Variants in THSD4 observed in about 807,000 individuals in gnomAD.
THSD4 encodes the protein thrombospondin type 1 domain containing 4, also known as thrombospondin type-1 domain-containing protein 4.
A neutral mutation model predicts 119.0 loss-of-function variants in THSD4; 69 were observed. The ratio of observed to expected loss-of-function variants is 0.58; its 90% CI spans 0.48 to 0.71. The LOEUF is 0.71. Among genes scored for constraint, THSD4 ranks in the 30% least tolerant of loss-of-function variants. The pLI, the probability that THSD4 is intolerant of heterozygous loss-of-function variation, is 0.00. For synonymous variants in THSD4, 524 were observed against 540.4 expected (o/e 0.97, Z 0.42); for missense variants, 1,393 against 1,391.1 (o/e 1.00, Z -0.02).
At position 71,745,093 on chromosome 15, in the gene THSD4, C is replaced by T. The variant is rs1213309854; in HGVS notation, c.1907-13C>T. 6.2e-7 allele frequency: 1 copy of T among 1,608,396 alleles called. No homozygotes were observed. The highest frequency in any genetic ancestry group is 1.1e-5 in the South Asian group (1 of 90,684). On this transcript the variant is annotated splice_polypyrimidine_tract_variant and intron_variant, in intron 11 of 17. Coordinates refer to ENST00000261862, the MANE Select transcript of THSD4 (RefSeq NM_024817.3). ...TGTGGGACTGTCCTTCAGACATTCT[C>T]CTGTTGTTGCAGGATCGCAGTACCC...
intron 3 of THSD4, among the ~76,000 whole-genome samples, chr15:71,204,876 G>A (rs568423240): frequency 2.6e-5 from 4 of 152,162 alleles, no homozygotes; most frequent in Non-Finnish European, 5.9e-5. Flanking sequence ...TTGAATGGCA[G>A]AAGTAGAAGG....
At chr15:71,692,460 GTTTTGTTTTGTT>G (rs983616665) in intron 8 of THSD4, among the ~76,000 whole-genome samples, 15 of 152,064 alleles carry the variant, frequency 9.9e-5, no homozygotes, top group Admixed American at 1.3e-4. Flanking sequence ...TTTTGTTTTT[GTTTTGTTTTGTT>G]TTTTGTTTTG....
intron 7 of THSD4, among the ~76,000 whole-genome samples, chr15:71,502,548 G>A (rs781301883): frequency 4.6e-5 from 7 of 152,206 alleles, no homozygotes; most frequent in Non-Finnish European, 7.3e-5. Context: ...GAGTGCAGTA[G>A]TAACATATCA....
intron 6 of THSD4, among the ~76,000 whole-genome samples, chr15:71,402,184 C>A (rs532970843): frequency 6.6e-6 from 1 of 150,464 alleles, no homozygotes; most frequent in African/African-American, 2.5e-5. Context: ...CACACCAATA[C>A]GGCACATGTA....
intron 8 of THSD4, among the ~76,000 whole-genome samples, chr15:71,724,279 A>G (rs1158339440): frequency 2.8e-5 from 1 of 35,190 alleles, no homozygotes; most frequent in African/African-American, 7.1e-5. Flanking sequence ...ATATATATAT[A>G]TATATATATT....
chr15:71,634,963 A>G (rs1486894662), intron 7 of THSD4, among the ~76,000 whole-genome samples: 3 of 152,198 alleles, frequency 2.0e-5, no homozygotes, highest in Non-Finnish European at 4.4e-5. Context: ...GTTTGCTGCC[A>G]TTGTTTGCCA....
rs2046771586 is a variant in THSD4 at position 71,417,314 on chromosome 15, C to G, written c.1152+5491C>G. Reference sequence around the variant, plus strand: ...TTACTCAAGAAATCTCTGCCCAGTCCTATGTCCCAGAGAGTTCCCCCAATG... The same window carrying G: ...TTACTCAAGAAATCTCTGCCCAGTCGTATGTCCCAGAGAGTTCCCCCAATG... On this transcript the variant is annotated intron_variant, in intron 7 of 17. Transcript: ENST00000261862. 1.9e-5 allele frequency among the ~76,000 whole-genome samples: 2 copies of G among 107,916 alleles called. 1 individual carries two copies. Among genetic ancestry groups the G allele is most frequent in the Non-Finnish European group, 4.1e-5 (2 of 49,240 alleles). The allele number at this position is 107,916 out of a possible 152,430, so 70.8% of individuals were successfully genotyped here. A position where few individuals can be genotyped will look rare whatever the true frequency, so the allele number is the denominator to read the frequency against.
At chr15:71,111,032 C>G (rs1235681506), upstream of THSD4, 2 of 1,196,496 alleles carry the variant, frequency 1.7e-6, no homozygotes, top group Admixed American at 5.1e-5. Flanking sequence ...GAGAAGCAGC[C>G]TCGGATCCGG....
chr15:71,194,028 A>C (rs1442215620), intron 3 of THSD4, among the ~76,000 whole-genome samples: 1 of 152,268 alleles, frequency 6.6e-6, no homozygotes, highest in Non-Finnish European at 1.5e-5. Context: ...TGATGGTTTT[A>C]TAAGGGGCTT....
chr15:71,530,734 G>A (rs1384378450), intron 7 of THSD4, among the ~76,000 whole-genome samples: 1 of 151,992 alleles, frequency 6.6e-6, no homozygotes, highest in Non-Finnish European at 1.5e-5. Flanking sequence ...GGTCAGTGGA[G>A]TGTTTGCTCT....
chr15:71,704,437 G>A (rs973806035), intron 8 of THSD4, among the ~76,000 whole-genome samples: 3 of 152,104 alleles, frequency 2.0e-5, no homozygotes, highest in Admixed American at 6.5e-5. Context: ...GTTTTATAAA[G>A]GGGAATTCCC....
chr15:71,380,368 A>G (rs548956383), intron 6 of THSD4, among the ~76,000 whole-genome samples: 1 of 152,254 alleles, frequency 6.6e-6, no homozygotes, highest in South Asian at 2.1e-4. Context: ...TATGGAATTC[A>G]CAAGTCACAA....
intron 7 of THSD4, among the ~76,000 whole-genome samples, chr15:71,483,121 G>T (rs1382324713): frequency 6.6e-6 from 1 of 152,082 alleles, no homozygotes; most frequent in Non-Finnish European, 1.5e-5. Context: ...AAATATTAAA[G>T]AGCTATCTTT....
Position 71,154,948 on chromosome 15 carries a change from C to T in THSD4, c.99+16C>T. Reference sequence around the variant, plus strand: ...ACACAGGAAGGTAAGCCATGGCCATCCAGAGGTTTTCTTCTCTGCCCAAGG... The same window carrying T: ...ACACAGGAAGGTAAGCCATGGCCATTCAGAGGTTTTCTTCTCTGCCCAAGG... On this transcript the variant is annotated intron_variant, in intron 3 of 17. Coordinates refer to ENST00000261862, the MANE Select transcript of THSD4 (RefSeq NM_024817.3). The T allele has an allele frequency of 1.2e-6, 2 of 1,613,680 alleles. No individual in the cohort carries two copies. Among genetic ancestry groups the T allele is most frequent in the South Asian group, 1.1e-5 (1 of 91,080 alleles).
At chr15:71,566,420 G>C (rs925815603) in intron 7 of THSD4, among the ~76,000 whole-genome samples, 5 of 152,108 alleles carry the variant, frequency 3.3e-5, no homozygotes, top group Admixed American at 6.6e-5. Flanking sequence ...TTGTGGTCAG[G>C]TGTTAGATAC....
At position 71,172,341 on chromosome 15, in the gene THSD4, A is replaced by G. The variant is rs1281581778; in HGVS notation, c.99+17409A>G. Among the ~76,000 whole-genome samples, 8 of 152,132 alleles carry G rather than the reference A, an allele frequency of 5.3e-5. No individual in the cohort carries two copies. The East Asian group carries it at 1.6e-3, about 30-fold the overall frequency. ...CTCTGTCTCAAAAAAAAATAATTAT[A>G]AATTCAAATAAATGGATAAATGTAT... On this transcript the variant is annotated intron_variant, in intron 3 of 17. Transcript: ENST00000261862.
chr15:71,735,213 G>A (rs902525710), intron 10 of THSD4, among the ~76,000 whole-genome samples: 1 of 152,142 alleles, frequency 6.6e-6, no homozygotes, highest in African/African-American at 2.4e-5. Flanking sequence ...CCGCTGAGGT[G>A]CCACCGGGAG....
chr15:71,151,787 A>G (rs1218036699), intron 2 of THSD4, among the ~76,000 whole-genome samples: 1 of 152,212 alleles, frequency 6.6e-6, no homozygotes, highest in Non-Finnish European at 1.5e-5. Context: ...TGTGTAATGA[A>G]CAGGCTCATT....
In THSD4 at chr15:71,480,770, C is replaced by T. The variant is rs564290092; in HGVS notation, c.1152+68947C>T. Among the ~76,000 whole-genome samples, 3 of 152,310 alleles carry T rather than the reference C, an allele frequency of 2.0e-5. No individual in the cohort carries two copies. The South Asian group carries it at 6.2e-4, about 32-fold the overall frequency. Reference sequence around the variant, plus strand: ...ATATTCCATTGGCCAAAGTAAGTCACGTGGCCCAGCCTAAAGTCAGGGGGC... The same window carrying T: ...ATATTCCATTGGCCAAAGTAAGTCATGTGGCCCAGCCTAAAGTCAGGGGGC... On this transcript the variant is annotated intron_variant, in intron 7 of 17. Coordinates refer to ENST00000261862, the MANE Select transcript of THSD4 (RefSeq NM_024817.3).
Sources: gnomAD v4.1 joint callset for allele counts (sites outside exome capture counted in the v4.1 genomes callset) on GRCh38, gnomAD v4.1.1 for gene constraint, MANE v1.5 for transcripts, NCBI Gene and HGNC (gene_info 2026-07-23, HGNC 2026-07-21) for gene names.